NCF2: variants seen among roughly 807,000 people sequenced by gnomAD.
NCF2 encodes the protein neutrophil cytosolic factor 2.
In NCF2, 45 loss-of-function variants were observed where a neutral mutation model predicts 70.9. The ratio of observed to expected loss-of-function variants is 0.63; its 90% CI spans 0.50 to 0.81. NCF2 has a LOEUF of 0.81. NCF2 is among the 40% of genes least tolerant of loss of function. The probability of loss-of-function intolerance (pLI) is 0.00; values close to 1 mark genes in which losing one functional copy is unlikely to be tolerated. For synonymous variants in NCF2, 203 were observed against 233.6 expected, an observed-to-expected ratio of 0.87 and a Z score of 1.19; for missense variants, 522 against 631.6, an observed-to-expected ratio of 0.83 and a Z score of 1.86.
At chr1:183,598,824 C>T in the NCF2 span, among the ~76,000 whole-genome samples, 1 of 152,090 alleles carries the variant, frequency 6.6e-6, no homozygotes, top group Non-Finnish European at 1.5e-5. Flanking sequence ...AATGTAGACT[C>T]GTTAAAAACC....
intron 2 of NCF2, among the ~76,000 whole-genome samples, chr1:183,583,909 A>G (rs34862135): frequency 3.3e-3 from 508 of 152,354 alleles, no homozygotes; most frequent in African/African-American, 0.012. Flanking sequence ...TCACTCTGGA[A>G]TATGAATGGA....
the NCF2 span, among the ~76,000 whole-genome samples, chr1:183,599,482 C>CTT: frequency 0.11 from 8,002 of 72,858 alleles, 355 homozygotes; most frequent in African/African-American, 0.19. Flanking sequence ...TTCTTTCTTT[C>CTT]TCTTTTCTTT....
At chr1:183,590,577 A>AT (rs35066000), upstream of NCF2, 12,105 of 566,084 alleles carry the variant, frequency 0.021, 964 homozygotes, top group African/African-American at 0.19. Context: ...AGAAGCAGAG[A>AT]GAGAGAGGGC....
intron 12 of NCF2, 29 bp downstream of exon 12, chr1:183,563,405 C>A (rs887500470): frequency 6.2e-7 from 1 of 1,614,158 alleles, no homozygotes; most frequent in African/African-American, 1.3e-5. Context: ...TCCCACTGTA[C>A]CCCTCACAGC....
Position 183,578,408 on chromosome 1 carries a change from A to G in NCF2, c.258-701T>C, listed in dbSNP as rs562923476. 5.3e-4 allele frequency among the ~76,000 whole-genome samples: 80 copies of G among 150,042 alleles called. 2 individuals carry two copies. The South Asian group carries it at 0.017, about 32-fold the overall frequency. ...GGTCTCACTGTATTGCCCAGGCTGG[A>G]GTGCAGTGGTGGGATTTCAGCTCGC... On this transcript the variant is annotated intron_variant, in intron 2 of 14. Coordinates refer to ENST00000367535, the MANE Select transcript of NCF2 (RefSeq NM_000433.4).
upstream of NCF2, chr1:183,590,522 C>T: frequency 2.9e-6 from 2 of 679,272 alleles, no homozygotes; most frequent in Non-Finnish European, 5.3e-6. Flanking sequence ...ATGTCCCCAC[C>T]TTTTGGCAAC....
the NCF2 span, among the ~76,000 whole-genome samples, chr1:183,597,556 T>C: frequency 6.6e-6 from 1 of 152,206 alleles, no homozygotes; most frequent in African/African-American, 2.4e-5. Flanking sequence ...ATTGATCCTG[T>C]CACCCAAATA....
rs755290534 is a variant in NCF2, at chr1:183,567,351, G to A, written c.714-6C>T. ...GAGCCTCCCCTTCCAGAGCCCTGCA[G>A]AGGATAGACACAAGATCCAGCCCCC... On this transcript the variant is annotated splice_region_variant and splice_polypyrimidine_tract_variant and intron_variant, in intron 7 of 14. Coordinates refer to ENST00000367535, the MANE Select transcript of NCF2 (RefSeq NM_000433.4). 3.7e-6 allele frequency: 6 copies of A among 1,613,856 alleles called. No individual in the cohort carries two copies. Among genetic ancestry groups the A allele is most frequent in the Non-Finnish European group, 8.5e-7 (1 of 1,180,036 alleles).
intron 6 of NCF2, among the ~76,000 whole-genome samples, chr1:183,570,224 G>T (rs1342415671): frequency 6.6e-6 from 1 of 152,202 alleles, no homozygotes; most frequent in Non-Finnish European, 1.5e-5. Context: ...AGGAAGCTCT[G>T]TGTGCATTTC....
At chr1:183,571,278 CG>C (rs1672552915) in intron 5 of NCF2, among the ~76,000 whole-genome samples, 1 of 151,942 alleles carries the variant, frequency 6.6e-6, no homozygotes, top group Admixed American at 6.6e-5. Flanking sequence ...CCACTGTGCC[CG>C]GCTAATTTTT....
upstream of NCF2, among the ~76,000 whole-genome samples, chr1:183,594,958 C>T (rs559052613): frequency 5.5e-4 from 83 of 152,288 alleles, no homozygotes; most frequent in African/African-American, 1.9e-3. Context: ...AGGATAGAGC[C>T]AACTCTCCAC....
intron 9 of NCF2, among the ~76,000 whole-genome samples, chr1:183,566,713 A>G (rs531170931): frequency 6.6e-6 from 1 of 152,306 alleles, no homozygotes; most frequent in Non-Finnish European, 1.5e-5. Context: ...GGACCTACAG[A>G]TGCCTCCAAC....
intron 11 of NCF2, 50 bp from the exon 12 acceptor site, chr1:183,563,635 T>G (rs1280685148): frequency 6.2e-7 from 1 of 1,609,390 alleles, no homozygotes. Flanking sequence ...AGGCTTTCTC[T>G]CAACATCCTG....
intron 11 of NCF2, 42 bp from the exon 12 acceptor site, chr1:183,563,627 G>GCT: frequency 1.2e-6 from 2 of 1,611,158 alleles, no homozygotes; most frequent in Non-Finnish European, 1.7e-6. Flanking sequence ...AGTGTCTGAG[G>GCT]CTTTCTCTCA....
intron 2 of NCF2, among the ~76,000 whole-genome samples, chr1:183,578,450 C>T (rs1333091072): frequency 6.6e-6 from 1 of 152,052 alleles, no homozygotes. Context: ...CTCCACCTCC[C>T]AGGTTCAAGT....
Position 183,590,130 on chromosome 1 carries a change from G to A in NCF2, c.174+26C>T, listed in dbSNP as rs889347932. ...TCATAATAACAAATGCACAGAGGAG[G>A]CCCGGAAAGAGGCACCTCCACTCAC... On this transcript the variant is annotated intron_variant, in intron 1 of 14. Transcript: ENST00000367535. 2.5e-6 allele frequency: 4 copies of A among 1,613,744 alleles called. No homozygotes were observed. In the African/African-American group the frequency reaches 4.0e-5, roughly 16 times the overall value.
intron 2 of NCF2, among the ~76,000 whole-genome samples, chr1:183,586,518 A>G (rs1411000773): frequency 6.6e-6 from 1 of 152,214 alleles, no homozygotes; most frequent in Admixed American, 6.5e-5. Flanking sequence ...TGCTGGGATG[A>G]AGCCAGGTTT....
upstream of NCF2, among the ~76,000 whole-genome samples, chr1:183,592,879 C>T (rs1673713004): frequency 1.3e-5 from 2 of 152,208 alleles, no homozygotes; most frequent in South Asian, 4.1e-4. Flanking sequence ...GCTATGCCTT[C>T]ATTCCTGCAT....
upstream of NCF2, among the ~76,000 whole-genome samples, chr1:183,594,713 G>A (rs914647645): frequency 4.6e-5 from 7 of 152,102 alleles, no homozygotes; most frequent in African/African-American, 7.2e-5. Context: ...AGCAAGATTT[G>A]CATATGATTG....
Sources: gnomAD v4.1 joint callset for allele counts (sites outside exome capture counted in the v4.1 genomes callset) on GRCh38, gnomAD v4.1.1 for gene constraint, MANE v1.5 for transcripts, NCBI Gene and HGNC (gene_info 2026-07-23, HGNC 2026-07-21) for gene names.